The following SMG6 variants were observed in gnomAD, a reference collection of about 807,000 sequenced individuals.
The protein encoded by SMG6 is telomerase-binding protein EST1A.
A neutral mutation model predicts 142.2 loss-of-function variants in SMG6; 66 were observed. The observed-to-expected ratio is 0.46, with a 90% CI of 0.38 to 0.57. The LOEUF (loss-of-function observed/expected upper bound fraction) is 0.57, where lower values mean the gene tolerates loss of function less well. SMG6 is among the 20% of genes least tolerant of loss of function. The pLI is 0.00. For missense variants in SMG6, 1,793 were observed against 1,832.0 expected, an observed-to-expected ratio of 0.98 and a Z score of 0.39; for synonymous variants, 779 against 702.4, an observed-to-expected ratio of 1.11 and a Z score of -1.72.
chr17:2,195,266 A>C (rs926394200), intron 10 of SMG6, among the ~76,000 whole-genome samples: 5 of 152,214 alleles, frequency 3.3e-5, no homozygotes, highest in Non-Finnish European at 7.3e-5. Flanking sequence ...ACATATTCCC[A>C]CATGACACCC....
At chr17:2,195,413 T>G (rs1445067626) in intron 10 of SMG6, among the ~76,000 whole-genome samples, 1 of 152,230 alleles carries the variant, frequency 6.6e-6, no homozygotes, top group Non-Finnish European at 1.5e-5. Flanking sequence ...TCACACTGTC[T>G]GCCCACCTAT....
chr17:2,227,018 C>A (rs189472210), intron 10 of SMG6, among the ~76,000 whole-genome samples: 163 of 152,146 alleles, frequency 1.1e-3, no homozygotes, highest in African/African-American at 3.7e-3. Flanking sequence ...GAAACACAAA[C>A]CAAAATGAAA....
Position 2,061,273 on chromosome 17 carries a change from G to C in SMG6, c.*219C>G. On this transcript the variant is annotated 3_prime_UTR_variant, in exon 19 of 19. Coordinates refer to ENST00000263073, the MANE Select transcript of SMG6 (RefSeq NM_017575.5). ...CCAGCCACCTCCCTGCTAAATCCTG[G>C]CAGCCCAGGAGGGTCCCAGCAGCTT... is the stretch of plus-strand genomic sequence containing the variant. 1 of 484,318 alleles carries C rather than the reference G, an allele frequency of 2.1e-6. No individual in the cohort carries two copies. Among genetic ancestry groups the C allele is most frequent in the Non-Finnish European group, 3.7e-6 (1 of 270,184 alleles). 30.0% of individuals were successfully genotyped at this position (484,318 alleles called of 1,614,324 possible).
intron 8 of SMG6, among the ~76,000 whole-genome samples, chr17:2,262,107 C>G (rs114822188): frequency 6.6e-6 from 1 of 152,160 alleles, no homozygotes; most frequent in Non-Finnish European, 1.5e-5. Flanking sequence ...AAATCCATAG[C>G]GAGTATTATC....
chr17:2,217,114 G>C (rs2151758999), intron 10 of SMG6, among the ~76,000 whole-genome samples: 1 of 152,256 alleles, frequency 6.6e-6, no homozygotes, highest in Middle Eastern at 3.4e-3. Flanking sequence ...GTAGAAACAG[G>C]TTTGGAAATG....
At chr17:2,219,327 G>C (rs2073107294) in intron 10 of SMG6, among the ~76,000 whole-genome samples, 1 of 152,218 alleles carries the variant, frequency 6.6e-6, no homozygotes, top group Admixed American at 6.5e-5. Flanking sequence ...GGAGGTTGCA[G>C]TGAGCCGAGA....
At chr17:2,144,633 AGCT>A (rs1245804176) in intron 13 of SMG6, among the ~76,000 whole-genome samples, 5 of 152,116 alleles carry the variant, frequency 3.3e-5, no homozygotes, top group African/African-American at 1.2e-4. Flanking sequence ...CCTGAGTAGA[AGCT>A]GCTTTTTTCC....
chr17:2,165,828 C>A lies in SMG6; in HGVS notation c.3357+6830G>T, dbSNP rs534826281. On this transcript the variant is annotated intron_variant, in intron 13 of 18. Coordinates refer to ENST00000263073, the MANE Select transcript of SMG6 (RefSeq NM_017575.5). The stretch of plus-strand genomic sequence containing the variant: ...GCTGAGGGGGGAGGATCGCTTTAAC[C>A]CAGGAGGTCGAGACTGCAGTGAGCT... Among the ~76,000 whole-genome samples the A allele has an allele frequency of 2.2e-4, 33 of 152,000 alleles. No individual in the cohort carries two copies. The South Asian group carries it at 6.6e-3, about 31-fold the overall frequency.
intron 10 of SMG6, among the ~76,000 whole-genome samples, chr17:2,234,759 GTA>G (rs1173530246): frequency 2.6e-5 from 4 of 151,406 alleles, no homozygotes; most frequent in Admixed American, 2.6e-4. Context: ...CCAGGCTGCA[GTA>G]TAGTTTGCAA....
At chr17:2,219,803 C>CAAAAAAAAAAAA (rs72234069) in intron 10 of SMG6, among the ~76,000 whole-genome samples, 2 of 118,092 alleles carry the variant, frequency 1.7e-5, no homozygotes, top group Non-Finnish European at 3.5e-5. Context: ...GACCCTTTAT[C>CAAAAAAAAAAAA]AAAAAAAAAA....
chr17:2,067,544 GACA>G (rs990708160), intron 16 of SMG6, among the ~76,000 whole-genome samples: 1 of 152,198 alleles, frequency 6.6e-6, no homozygotes, highest in Non-Finnish European at 1.5e-5. Flanking sequence ...GAAAGCCTGG[GACA>G]ACGTGATGGT....
intron 10 of SMG6, among the ~76,000 whole-genome samples, chr17:2,221,595 G>A (rs2073170917): frequency 6.6e-6 from 1 of 152,206 alleles, no homozygotes; most frequent in South Asian, 2.1e-4. Context: ...TTTAATGCCA[G>A]ATGTAAAATA....
chr17:2,213,503 C>T (rs867000615), intron 10 of SMG6, among the ~76,000 whole-genome samples: 1 of 152,078 alleles, frequency 6.6e-6, no homozygotes, highest in Non-Finnish European at 1.5e-5. Context: ...TCCAGGCCAT[C>T]ATTCTTGAGG....
chr17:2,147,100 A>G (rs781387301), intron 13 of SMG6, among the ~76,000 whole-genome samples: 14 of 152,306 alleles, frequency 9.2e-5, no homozygotes, highest in African/African-American at 3.4e-4. Flanking sequence ...TTAGAAAGCT[A>G]TAGGTTATAG....
At chr17:2,063,752 G>A (rs2067854328) in intron 18 of SMG6, among the ~76,000 whole-genome samples, 1 of 152,226 alleles carries the variant, frequency 6.6e-6, no homozygotes, top group South Asian at 2.1e-4. Context: ...GAGGCTTGTG[G>A]GGTTGGTGGT....
intron 10 of SMG6, among the ~76,000 whole-genome samples, chr17:2,219,075 A>G (rs1374389022): frequency 6.6e-6 from 1 of 152,204 alleles, no homozygotes; most frequent in Admixed American, 6.5e-5. Context: ...TGTGCCAAAG[A>G]CTGTAAAAAA....
chr17:2,065,387 G>A, intron 17 of SMG6, 81 bp downstream of exon 17: 1 of 1,410,098 alleles, frequency 7.1e-7, no homozygotes, highest in Non-Finnish European at 9.8e-7. Flanking sequence ...CAGGCTGATG[G>A]GCCTCCTTCA....
At chr17:2,201,832 T>C (rs2072534276) in intron 10 of SMG6, among the ~76,000 whole-genome samples, 1 of 152,014 alleles carries the variant, frequency 6.6e-6, no homozygotes, top group Non-Finnish European at 1.5e-5. Context: ...GAGACTAGCC[T>C]GGCAAACATG....
chr17:2,191,689 T>C (rs1295011303), intron 10 of SMG6, among the ~76,000 whole-genome samples: 5 of 152,242 alleles, frequency 3.3e-5, no homozygotes, highest in Non-Finnish European at 7.3e-5. Context: ...CCTTCCCACA[T>C]GTGGGCAGGT....
Sources: allele counts gnomAD v4.1 joint callset (sites outside exome capture counted in the v4.1 genomes callset), GRCh38; gene constraint gnomAD v4.1.1; transcripts MANE v1.5; gene names NCBI Gene and HGNC (gene_info 2026-07-23, HGNC 2026-07-21).